Variants in PKHD1 observed in about 807,000 individuals in gnomAD.
The protein encoded by PKHD1 is PKHD1 ciliary IPT domain containing fibrocystin/polyductin, also known as fibrocystin.
A neutral mutation model predicts 412.0 loss-of-function variants in PKHD1; 291 were observed. That is an observed-to-expected ratio of 0.71 (90% CI 0.64 to 0.78). PKHD1 has a LOEUF of 0.78. PKHD1 is among the 30% of genes least tolerant of loss of function. PKHD1 has a pLI of 0.00. For synonymous variants in PKHD1, 1,777 were observed against 1,821.5 expected, an observed-to-expected ratio of 0.98 and a Z score of 0.62; for missense variants, 4,825 against 4,950.7, an observed-to-expected ratio of 0.97 and a Z score of 0.76.
intron 36 of PKHD1, 40 bp downstream of exon 36, chr6:51,959,830 T>A: frequency 6.4e-7 from 1 of 1,560,488 alleles, no homozygotes; most frequent in Non-Finnish European, 8.8e-7. Context: ...AGTGATATAA[T>A]CATATAGAAT....
chr6:51,724,472 C>T (rs1303562778), intron 60 of PKHD1, among the ~76,000 whole-genome samples: 1 of 152,166 alleles, frequency 6.6e-6, no homozygotes, highest in Non-Finnish European at 1.5e-5. Context: ...AATAAATTTG[C>T]ATGCCGTTTG....
At chr6:51,678,117 C>T (rs538891199) in intron 60 of PKHD1, among the ~76,000 whole-genome samples, 11 of 152,220 alleles carry the variant, frequency 7.2e-5, no homozygotes, top group Non-Finnish European at 1.0e-4. Flanking sequence ...CAAATTCAAA[C>T]TCAGGAAGTA....
chr6:52,017,378 G>T, intron 34 of PKHD1, 32 bp downstream of exon 34: 1 of 1,445,618 alleles, frequency 6.9e-7, no homozygotes, highest in Non-Finnish European at 9.7e-7. Context: ...AGCATTTGTG[G>T]GGAAGTTCAG....
chr6:51,862,363 A>T (rs994653084), intron 48 of PKHD1, among the ~76,000 whole-genome samples: 5 of 152,176 alleles, frequency 3.3e-5, no homozygotes, highest in Admixed American at 2.0e-4. Context: ...GATATTCCTC[A>T]GTTTGGGGTC....
chr6:52,011,050 AAATT>A lies in PKHD1; in HGVS notation c.5601-595_5601-592del, dbSNP rs1581730858. On this transcript the variant is annotated intron_variant, in intron 34 of 66. Coordinates refer to ENST00000371117, the MANE Select transcript of PKHD1 (RefSeq NM_138694.4). ...GCTAGCAGTGGAACATTAACTTAGT[AAATT>A]AATTAAACTTACTTAACAGCCCAGA... 2.0e-5 allele frequency among the ~76,000 whole-genome samples: 3 copies of A among 152,342 alleles called. No homozygotes were observed. The East Asian group carries it at 5.8e-4, about 29-fold the overall frequency.
chr6:51,936,270 ATGT>A (rs1295380733), intron 36 of PKHD1, among the ~76,000 whole-genome samples: 1 of 152,190 alleles, frequency 6.6e-6, no homozygotes, highest in Non-Finnish European at 1.5e-5. Context: ...CTCAGAAAGG[ATGT>A]TGTTCTTACA....
chr6:51,690,926 T>G (rs1334424710), intron 60 of PKHD1, among the ~76,000 whole-genome samples: 2 of 151,964 alleles, frequency 1.3e-5, no homozygotes, highest in Non-Finnish European at 2.9e-5. Context: ...CTGACAAAGG[T>G]CTAATATCCA....
chr6:51,696,166 C>T (rs1416997587), intron 60 of PKHD1, among the ~76,000 whole-genome samples: 2 of 152,166 alleles, frequency 1.3e-5, no homozygotes, highest in African/African-American at 4.8e-5. Flanking sequence ...AAGTTTCAAG[C>T]AGTGCTGTGG....
At position 51,714,706 on chromosome 6, in the gene PKHD1, G is replaced by A. The variant is rs181045652; in HGVS notation, c.10156+29679C>T. 2.0e-5 allele frequency among the ~76,000 whole-genome samples: 3 copies of A among 152,244 alleles called. No homozygotes were observed. In the East Asian group the frequency reaches 5.8e-4, roughly 29 times the overall value. The stretch of plus-strand genomic sequence containing the variant: ...ATATTGGATAGAACCAATATAGAAC[G>A]TTCCATCACTGTAAAAAGATACACA... On this transcript the variant is annotated intron_variant, in intron 60 of 66. Coordinates refer to ENST00000371117, the MANE Select transcript of PKHD1 (RefSeq NM_138694.4).
intron 46 of PKHD1, among the ~76,000 whole-genome samples, chr6:51,874,961 G>A (rs1776622182): frequency 1.3e-5 from 1 of 74,884 alleles, no homozygotes; most frequent in Admixed American, 1.9e-4. Context: ...GAAGCGCAAG[G>A]GGTCAGGGAG....
intron 47 of PKHD1, 133 bp from the exon 48 acceptor site, chr6:51,868,242 A>C: frequency 3.4e-6 from 3 of 871,918 alleles, no homozygotes; most frequent in Non-Finnish European, 5.5e-6. Flanking sequence ...CAAGAAAAAA[A>C]GTGTTTTCTG....
At chr6:51,900,847 A>T (rs1455183597) in intron 43 of PKHD1, among the ~76,000 whole-genome samples, 1 of 152,200 alleles carries the variant, frequency 6.6e-6, no homozygotes. Context: ...CCCATCAAAA[A>T]GTGGGTGAAG....
chr6:51,816,083 A>G (rs1234373479), intron 52 of PKHD1, among the ~76,000 whole-genome samples: 1 of 152,234 alleles, frequency 6.6e-6, no homozygotes, highest in Admixed American at 6.5e-5. Context: ...AATTTTAACC[A>G]TATATTCCCA....
At chr6:52,052,630 A>C (rs1002482006) in intron 21 of PKHD1, among the ~76,000 whole-genome samples, 1 of 152,214 alleles carries the variant, frequency 6.6e-6, no homozygotes, top group African/African-American at 2.4e-5. Context: ...GGAAAGGTGG[A>C]GAAATCCTGC....
At chr6:51,807,655 C>T (rs1023839648) in intron 52 of PKHD1, among the ~76,000 whole-genome samples, 8 of 151,650 alleles carry the variant, frequency 5.3e-5, no homozygotes, top group Admixed American at 1.3e-4. Context: ...TGTATAAATA[C>T]ATAAAATAGT....
intron 43 of PKHD1, among the ~76,000 whole-genome samples, chr6:51,892,962 A>T (rs1779336782): frequency 6.6e-6 from 1 of 152,184 alleles, no homozygotes; most frequent in East Asian, 1.9e-4. Context: ...CTCAGTCACG[A>T]TTACACAACA....
rs1355165959 is a variant in PKHD1 at position 51,618,065 on chromosome 6, G to A, written c.*1016C>T. 1 of 152,204 alleles carries A rather than the reference G, an allele frequency of 6.6e-6. No individual in the cohort carries two copies. Among genetic ancestry groups the A allele is most frequent in the African/African-American group, 2.4e-5 (1 of 41,444 alleles). The allele number at this position is 152,204 out of a possible 1,614,324, so 9.4% of individuals were successfully genotyped here. ...AAAGAAATGGGCCCCGTACAAATGT[G>A]TGAATTTGGTGAAATTGCCTTTAAC... On this transcript the variant is annotated 3_prime_UTR_variant, in exon 67 of 67. Coordinates refer to ENST00000371117, the MANE Select transcript of PKHD1 (RefSeq NM_138694.4).
At chr6:51,686,711 A>C (rs1256206718) in intron 60 of PKHD1, among the ~76,000 whole-genome samples, 1 of 152,194 alleles carries the variant, frequency 6.6e-6, no homozygotes, top group Non-Finnish European at 1.5e-5. Context: ...TTGACACTTT[A>C]CAACTAGCCA....
rs1013938102 is a variant in PKHD1, at chr6:51,618,604, G to A, written c.*477C>T. 1 of 232,454 alleles carries A rather than the reference G, an allele frequency of 4.3e-6. No homozygotes were observed. The highest frequency in any genetic ancestry group is 8.5e-6 in the Non-Finnish European group (1 of 117,376). 14.4% of individuals were successfully genotyped at this position (232,454 alleles called of 1,614,324 possible). On this transcript the variant is annotated 3_prime_UTR_variant, in exon 67 of 67. Transcript: ENST00000371117. The stretch of plus-strand genomic sequence containing the variant: ...CTGACAGATCAGGGAGCAGGGTGTT[G>A]AACTGTCCCTTCAAATGCTACTACA...
Sources: gnomAD v4.1 joint callset for allele counts (sites outside exome capture counted in the v4.1 genomes callset) on GRCh38, gnomAD v4.1.1 for gene constraint, MANE v1.5 for transcripts, NCBI Gene and HGNC (gene_info 2026-07-23, HGNC 2026-07-21) for gene names.